The following YAP1 variants were observed in gnomAD, a reference collection of about 807,000 sequenced individuals.
YAP1 encodes Yes1 associated transcriptional regulator.
In YAP1, 5 loss-of-function variants were observed where a neutral mutation model predicts 56.9. The ratio of observed to expected loss-of-function variants is 0.09; its 90% CI spans 0.05 to 0.18. The LOEUF (loss-of-function observed/expected upper bound fraction) is 0.18. YAP1 is among the 10% of genes least tolerant of loss of function. YAP1 has a pLI of 1.00. For synonymous variants in YAP1, 265 were observed against 248.1 expected, an observed-to-expected ratio of 1.07 and a Z score of -0.64; for missense variants, 539 against 651.8, an observed-to-expected ratio of 0.83 and a Z score of 1.88.
chr11:102,129,774 T>C (rs1944262777), intron 2 of YAP1, among the ~76,000 whole-genome samples: 1 of 151,696 alleles, frequency 6.6e-6, no homozygotes, highest in Non-Finnish European at 1.5e-5. Flanking sequence ...GGAAAATCTG[T>C]TGGGTGAAAA....
intron 4 of YAP1, among the ~76,000 whole-genome samples, chr11:102,190,581 A>C (rs190183732): frequency 6.6e-6 from 1 of 152,004 alleles, no homozygotes; most frequent in Non-Finnish European, 1.5e-5. Flanking sequence ...AGTGAATATC[A>C]TGCCACTCTA....
intron 6 of YAP1, among the ~76,000 whole-genome samples, chr11:102,214,922 T>C (rs1267631999): frequency 6.6e-6 from 1 of 152,220 alleles, no homozygotes; most frequent in Non-Finnish European, 1.5e-5. Context: ...CATCCTGTTT[T>C]GGATGTGATT....
At chr11:102,111,927 T>C (rs950714734) in intron 1 of YAP1, among the ~76,000 whole-genome samples, 16 of 152,106 alleles carry the variant, frequency 1.1e-4, no homozygotes, top group Non-Finnish European at 2.4e-4. Flanking sequence ...TCCTGGAAGT[T>C]GTTTATGGAG....
At chr11:102,153,277 A>G (rs1481889394) in intron 2 of YAP1, among the ~76,000 whole-genome samples, 1 of 152,200 alleles carries the variant, frequency 6.6e-6, no homozygotes, top group East Asian at 1.9e-4. Context: ...ATAGTGACCA[A>G]AATTTTCCAC....
At chr11:102,167,663 G>T (rs1022114981) in intron 3 of YAP1, among the ~76,000 whole-genome samples, 14 of 152,192 alleles carry the variant, frequency 9.2e-5, no homozygotes, top group African/African-American at 3.4e-4. Flanking sequence ...GAACCCAGGA[G>T]GCGGAGGTTG....
chr11:102,112,425 CTTTTT>C (rs751339753), intron 1 of YAP1: 45 of 826,774 alleles, frequency 5.4e-5, no homozygotes, highest in African/African-American at 2.7e-4. Context: ...ATTTCTTCTT[CTTTTT>C]TTTTTTTTTT....
At chr11:102,114,532 C>T (rs1384437993) in intron 2 of YAP1, 138 bp downstream of exon 2, 1 of 1,081,450 alleles carries the variant, frequency 9.2e-7, no homozygotes. Context: ...GTAGCTCTAT[C>T]TTCCATATAT....
intron 2 of YAP1, among the ~76,000 whole-genome samples, chr11:102,157,362 C>T (rs1183846416): frequency 6.6e-6 from 1 of 152,134 alleles, no homozygotes; most frequent in East Asian, 1.9e-4. Flanking sequence ...TTCCTAGAGT[C>T]AGTTAAGCGT....
chr11:102,121,808 T>C (rs1308279919), intron 2 of YAP1, among the ~76,000 whole-genome samples: 2 of 152,112 alleles, frequency 1.3e-5, no homozygotes, highest in Non-Finnish European at 2.9e-5. Flanking sequence ...ATTTGTTTGG[T>C]TTATTTTGAG....
At chr11:102,142,911 C>A (rs1472201320) in intron 2 of YAP1, among the ~76,000 whole-genome samples, 1 of 152,170 alleles carries the variant, frequency 6.6e-6, no homozygotes, top group East Asian at 1.9e-4. Flanking sequence ...TTTGATATTA[C>A]TGCTTTGAAG....
chr11:102,173,273 C>T (rs188660343), intron 3 of YAP1, among the ~76,000 whole-genome samples: 48 of 152,278 alleles, frequency 3.2e-4, no homozygotes, highest in Middle Eastern at 6.8e-3. Context: ...AGCAATGAGA[C>T]TGAAGACCAC....
intron 2 of YAP1, among the ~76,000 whole-genome samples, chr11:102,155,350 G>A (rs1370115392): frequency 2.6e-5 from 4 of 152,082 alleles, no homozygotes; most frequent in Non-Finnish European, 4.4e-5. Context: ...CTCATTATTT[G>A]ACATACATTA....
intron 2 of YAP1, among the ~76,000 whole-genome samples, chr11:102,136,372 T>G (rs1944675384): frequency 6.7e-6 from 1 of 150,220 alleles, no homozygotes; most frequent in Non-Finnish European, 1.5e-5. Context: ...TAAAACAGGG[T>G]CTCCGTCGCC....
chr11:102,184,218 A>T (rs569278385), intron 3 of YAP1, among the ~76,000 whole-genome samples: 1 of 152,328 alleles, frequency 6.6e-6, no homozygotes, highest in South Asian at 2.1e-4. Flanking sequence ...AAAATTTTAA[A>T]TACAGTTAGT....
intron 4 of YAP1, among the ~76,000 whole-genome samples, chr11:102,194,158 T>A (rs1368226971): frequency 1.3e-5 from 2 of 152,228 alleles, no homozygotes; most frequent in Non-Finnish European, 2.9e-5. Context: ...GTATTAACTC[T>A]GTATTAACAG....
At chr11:102,210,937 A>G (rs1426460140) in intron 6 of YAP1, among the ~76,000 whole-genome samples, 1 of 151,982 alleles carries the variant, frequency 6.6e-6, no homozygotes, top group Non-Finnish European at 1.5e-5. Flanking sequence ...TGAATTTTTT[A>G]GTAGAGACGG....
chr11:102,228,153 AACTG>A (rs1424928212), intron 8 of YAP1, among the ~76,000 whole-genome samples: 1 of 152,162 alleles, frequency 6.6e-6, no homozygotes, highest in Non-Finnish European at 1.5e-5. Context: ...TGGCAGGACA[AACTG>A]ACAACCCTGT....
At chr11:102,206,199 A>T (rs1949113014) in intron 5 of YAP1, 125 bp downstream of exon 5, 3 of 1,173,250 alleles carry the variant, frequency 2.6e-6, no homozygotes, top group Non-Finnish European at 3.6e-6. Context: ...TGAGTGACAC[A>T]GAAGCATTCT....
intron 4 of YAP1, chr11:102,186,814 A>ATGTGTGTGTGTTTGTGTGTG (rs1947982690): frequency 7.2e-6 from 1 of 138,418 alleles, no homozygotes; most frequent in Non-Finnish European, 1.6e-5. Context: ...TTTTTAAAAA[A>ATGTGTGTGTGTTTGTGTGTG]TGTGTGTGTG....
Sources: allele counts gnomAD v4.1 joint callset (sites outside exome capture counted in the v4.1 genomes callset), GRCh38; gene constraint gnomAD v4.1.1; transcripts MANE v1.5; gene names NCBI Gene and HGNC (gene_info 2026-07-23, HGNC 2026-07-21).